Variants in THSD4 observed in about 807,000 individuals in gnomAD.
THSD4 encodes the protein thrombospondin type 1 domain containing 4, also known as thrombospondin type-1 domain-containing protein 4.
In THSD4, 69 loss-of-function variants were observed where a neutral mutation model predicts 119.0. The observed-to-expected ratio is 0.58, with a 90% CI of 0.48 to 0.71. The LOEUF is 0.71. Among genes scored for constraint, THSD4 ranks in the 30% least tolerant of loss-of-function variants. The pLI is 0.00. For synonymous variants in THSD4, 524 were observed against 540.4 expected, an observed-to-expected ratio of 0.97 and a Z score of 0.42; for missense variants, 1,393 against 1,391.1, an observed-to-expected ratio of 1.00 and a Z score of -0.02.
At chr15:71,347,152 G>T (rs1447804263) in intron 6 of THSD4, among the ~76,000 whole-genome samples, 3 of 152,110 alleles carry the variant, frequency 2.0e-5, no homozygotes, top group African/African-American at 7.2e-5. Flanking sequence ...GGGATTACAG[G>T]TGTGAGCCAC....
intron 1 of THSD4, among the ~76,000 whole-genome samples, chr15:71,098,209 TTTTTG>T (rs1420683189): frequency 2.1e-3 from 280 of 134,384 alleles, no homozygotes; most frequent in Non-Finnish European, 3.8e-3. Context: ...TTTTTTTTTT[TTTTTG>T]GGGGGAGAGA....
chr15:71,718,280 T>C (rs1203003954), intron 8 of THSD4, among the ~76,000 whole-genome samples: 1 of 152,126 alleles, frequency 6.6e-6, no homozygotes, highest in African/African-American at 2.4e-5. Context: ...TCTAGATAAA[T>C]TGGGCTACAA....
chr15:71,609,645 A>G (rs971266481), intron 7 of THSD4, among the ~76,000 whole-genome samples: 2 of 151,956 alleles, frequency 1.3e-5, no homozygotes, highest in Non-Finnish European at 2.9e-5. Context: ...GAGGTCAGGA[A>G]ATTGAGACCA....
At chr15:71,737,023 A>G (rs1016983387) in intron 10 of THSD4, among the ~76,000 whole-genome samples, 1 of 152,200 alleles carries the variant, frequency 6.6e-6, no homozygotes, top group African/African-American at 2.4e-5. Flanking sequence ...TCGGAACGTT[A>G]TATTTGCTGC....
intron 6 of THSD4, among the ~76,000 whole-genome samples, chr15:71,326,619 A>C (rs2045341420): frequency 7.5e-6 from 1 of 133,438 alleles, no homozygotes; most frequent in Non-Finnish European, 1.6e-5. Flanking sequence ...GGTTGCAGTG[A>C]GCCGAGATCA....
At chr15:71,247,716 G>C (rs2044217652) in intron 5 of THSD4, among the ~76,000 whole-genome samples, 1 of 152,220 alleles carries the variant, frequency 6.6e-6, no homozygotes, top group African/African-American at 2.4e-5. Flanking sequence ...TCACCTGCAA[G>C]TTTGTCTTCA....
At chr15:71,454,307 T>C (rs569562162) in intron 7 of THSD4, among the ~76,000 whole-genome samples, 1 of 152,312 alleles carries the variant, frequency 6.6e-6, no homozygotes, top group East Asian at 1.9e-4. Flanking sequence ...CTTGCACCTC[T>C]AGGAAAGAAT....
chr15:71,464,944 TAA>T (rs1212580376), intron 7 of THSD4, among the ~76,000 whole-genome samples: 1 of 152,174 alleles, frequency 6.6e-6, no homozygotes, highest in Non-Finnish European at 1.5e-5. Flanking sequence ...ACTTTTAATA[TAA>T]GTTTATATTC....
intron 11 of THSD4, among the ~76,000 whole-genome samples, chr15:71,741,055 T>C (rs1462709136): frequency 6.6e-6 from 1 of 152,156 alleles, no homozygotes; most frequent in Admixed American, 6.5e-5. Flanking sequence ...TCACCACATT[T>C]CAAATGCGGA....
chr15:71,301,724 C>G (rs2044952601), intron 6 of THSD4, among the ~76,000 whole-genome samples: 1 of 152,192 alleles, frequency 6.6e-6, no homozygotes, highest in African/African-American at 2.4e-5. Context: ...GAGACCTCCT[C>G]CGGTAATATG....
At chr15:71,680,762 G>A (rs1260132099) in intron 8 of THSD4, among the ~76,000 whole-genome samples, 2 of 152,052 alleles carry the variant, frequency 1.3e-5, no homozygotes, top group African/African-American at 2.4e-5. Flanking sequence ...TGACCTCTCC[G>A]TATGTCATTT....
chr15:71,157,312 T>C (rs1427725162), intron 3 of THSD4, among the ~76,000 whole-genome samples: 2 of 152,196 alleles, frequency 1.3e-5, no homozygotes, highest in Admixed American at 1.3e-4. Context: ...ATTTTATCAT[T>C]AAAATTTTTA....
intron 1 of THSD4, among the ~76,000 whole-genome samples, chr15:71,103,463 C>T (rs921443488): frequency 2.0e-5 from 3 of 152,166 alleles, no homozygotes; most frequent in African/African-American, 7.2e-5. Context: ...GTGATCTCCC[C>T]AACACCCTCT....
chr15:71,403,450 T>C (rs1247522302), intron 6 of THSD4, among the ~76,000 whole-genome samples: 1 of 152,206 alleles, frequency 6.6e-6, no homozygotes, highest in African/African-American at 2.4e-5. Flanking sequence ...TTCAGGGTGC[T>C]TGTATTATCT....
intron 7 of THSD4, among the ~76,000 whole-genome samples, chr15:71,541,088 GT>G (rs2048753935): frequency 6.6e-6 from 1 of 152,076 alleles, no homozygotes. Context: ...GTATGAAAGG[GT>G]ATATAGAAAT....
intron 7 of THSD4, among the ~76,000 whole-genome samples, chr15:71,606,507 T>C (rs538839005): frequency 6.5e-4 from 9 of 13,852 alleles, no homozygotes; most frequent in Non-Finnish European, 0.022. Context: ...CTCCCAGAAA[T>C]AACATTTCAA....
intron 7 of THSD4, among the ~76,000 whole-genome samples, chr15:71,434,911 A>G (rs911890546): frequency 6.6e-6 from 1 of 152,210 alleles, no homozygotes; most frequent in East Asian, 1.9e-4. Context: ...ATGCAAATCA[A>G]TAAGCCTTTT....
At chr15:71,129,591 T>C (rs1381210330) in intron 1 of THSD4, among the ~76,000 whole-genome samples, 1 of 152,178 alleles carries the variant, frequency 6.6e-6, no homozygotes, top group Non-Finnish European at 1.5e-5. Flanking sequence ...TTGAAAACAT[T>C]TTCTAATTTA....
At chr15:71,545,841 TC>T (rs1348882004) in intron 7 of THSD4, among the ~76,000 whole-genome samples, 1 of 151,974 alleles carries the variant, frequency 6.6e-6, no homozygotes, top group Non-Finnish European at 1.5e-5. Flanking sequence ...ACCAAAAAAC[TC>T]CCCACTGGTA....
Sources: gnomAD v4.1 joint callset for allele counts (sites outside exome capture counted in the v4.1 genomes callset) on GRCh38, gnomAD v4.1.1 for gene constraint, MANE v1.5 for transcripts, NCBI Gene and HGNC (gene_info 2026-07-23, HGNC 2026-07-21) for gene names.